The following SLC35F1 variants were observed in gnomAD, a reference collection of about 807,000 sequenced individuals.
The protein encoded by SLC35F1 is chromosome 6 open reading frame 169.
In SLC35F1, 14 loss-of-function variants were observed where a neutral mutation model predicts 48.7. The observed-to-expected ratio is 0.29, with a 90% CI of 0.19 to 0.45. The LOEUF is 0.45. SLC35F1 is among the 20% of genes least tolerant of loss of function. The probability of loss-of-function intolerance (pLI) is 1.00; values close to 1 mark genes in which losing one functional copy is unlikely to be tolerated. For synonymous variants in SLC35F1, 190 were observed against 202.2 expected (o/e 0.94, Z 0.51); for missense variants, 404 against 500.0 (o/e 0.81, Z 1.83).
intron 7 of SLC35F1, among the ~76,000 whole-genome samples, chr6:118,309,955 G>GT (rs1187371292): frequency 1.3e-5 from 2 of 152,208 alleles, no homozygotes; most frequent in African/African-American, 4.8e-5. Flanking sequence ...ATTATGTGCA[G>GT]TGAGTGCCTT....
intron 1 of SLC35F1, among the ~76,000 whole-genome samples, chr6:118,119,015 TAGAC>T (rs1203319658): frequency 6.6e-6 from 1 of 152,022 alleles, no homozygotes; most frequent in Non-Finnish European, 1.5e-5. Context: ...CCATTGTTTT[TAGAC>T]AGAAGTTCCT....
chr6:118,272,781 T>A (rs1459332431), intron 4 of SLC35F1, among the ~76,000 whole-genome samples: 3 of 140,288 alleles, frequency 2.1e-5, no homozygotes, highest in African/African-American at 8.6e-5. Context: ...ATATATACCA[T>A]TTTTTAGCAT....
At position 118,039,799 on chromosome 6, in the gene SLC35F1, G is replaced by GTTTTTTTTTTTTTT. The variant is rs149879230; in HGVS notation, c.174-114638_174-114637insTTTTTTTTTTTTTT. ...TTTAACATCTAAGCATCTCAGGATT[G>GTTTTTTTTTTTTTT]TTTTTTTTGTTTTTTTTTTTTGCTT... is the stretch of plus-strand genomic sequence containing the variant. On this transcript the variant is annotated intron_variant, in intron 1 of 7. Coordinates refer to ENST00000360388, the MANE Select transcript of SLC35F1 (RefSeq NM_001029858.4). Among the ~76,000 whole-genome samples, 73 of 106,836 alleles carry GTTTTTTTTTTTTTT rather than the reference G, an allele frequency of 6.8e-4. 9 individuals are homozygous for GTTTTTTTTTTTTTT. Among genetic ancestry groups the GTTTTTTTTTTTTTT allele is most frequent in the East Asian group, 1.1e-3 (4 of 3,494 alleles). The allele number at this position is 106,836 out of a possible 152,430, so 70.1% of individuals were successfully genotyped here. A position where few individuals can be genotyped will look rare whatever the true frequency, so the allele number is the denominator to read the frequency against.
At chr6:118,137,664 A>G (rs1045653368) in intron 1 of SLC35F1, among the ~76,000 whole-genome samples, 5 of 152,182 alleles carry the variant, frequency 3.3e-5, no homozygotes, top group African/African-American at 1.2e-4. Flanking sequence ...ATGCCAGCCA[A>G]CCTTGCACAC....
chr6:118,300,064 C>T (rs1474247967), intron 7 of SLC35F1, among the ~76,000 whole-genome samples: 1 of 152,168 alleles, frequency 6.6e-6, no homozygotes, highest in African/African-American at 2.4e-5. Context: ...TTAGTACAAT[C>T]AGCCCTCTGT....
intron 1 of SLC35F1, among the ~76,000 whole-genome samples, chr6:117,978,340 C>G (rs536523138): frequency 1.3e-5 from 2 of 151,550 alleles, no homozygotes; most frequent in African/African-American, 2.4e-5. Flanking sequence ...TACCAGATTA[C>G]CAGTTGTATG....
intron 2 of SLC35F1, among the ~76,000 whole-genome samples, chr6:118,234,341 C>T (rs745898092): frequency 1.3e-5 from 2 of 152,106 alleles, no homozygotes; most frequent in Admixed American, 6.5e-5. Flanking sequence ...TTATAAAAAC[C>T]TTATCTTCCA....
chr6:118,312,269 T>C (rs958337263), intron 7 of SLC35F1, among the ~76,000 whole-genome samples: 1 of 152,194 alleles, frequency 6.6e-6, no homozygotes, highest in African/African-American at 2.4e-5. Context: ...GAAATGATGG[T>C]AATGTTAGGA....
chr6:118,134,762 C>T (rs1470375788), intron 1 of SLC35F1, among the ~76,000 whole-genome samples: 1 of 152,260 alleles, frequency 6.6e-6, no homozygotes, highest in East Asian at 1.9e-4. Context: ...AAGACATGCA[C>T]ACCTGGCTAG....
intron 7 of SLC35F1, among the ~76,000 whole-genome samples, chr6:118,306,372 G>A (rs1273748672): frequency 6.6e-6 from 1 of 152,156 alleles, no homozygotes; most frequent in Non-Finnish European, 1.5e-5. Flanking sequence ...CCATTGTAAT[G>A]GGGCAGAAGT....
chr6:117,909,253 C>T (rs757327645), intron 1 of SLC35F1, among the ~76,000 whole-genome samples: 1 of 151,970 alleles, frequency 6.6e-6, no homozygotes, highest in African/African-American at 2.4e-5. Context: ...TGGCTCAGTA[C>T]ATATTATGTG....
At position 118,315,544 on chromosome 6, in the gene SLC35F1, A is replaced by G. The variant is rs939728475; in HGVS notation, c.*1292A>G. 5 of 141,834 alleles carry G rather than the reference A, an allele frequency of 3.5e-5. No individual in the cohort carries two copies. Among genetic ancestry groups the G allele is most frequent in the South Asian group, 2.2e-4 (1 of 4,610 alleles). 8.8% of individuals were successfully genotyped at this position (141,834 alleles called of 1,614,324 possible). On this transcript the variant is annotated 3_prime_UTR_variant, in exon 8 of 8. Coordinates refer to ENST00000360388, the MANE Select transcript of SLC35F1 (RefSeq NM_001029858.4). Reference sequence around the variant, plus strand: ...AACCTCCGCCTCCGGGATTCACACCATTCTCCTGCCTCAGCCTCCCGAGTA... The same window carrying G: ...AACCTCCGCCTCCGGGATTCACACCGTTCTCCTGCCTCAGCCTCCCGAGTA...
chr6:118,062,984 GTATGT>G (rs1015508534), intron 1 of SLC35F1, among the ~76,000 whole-genome samples: 4 of 152,004 alleles, frequency 2.6e-5, no homozygotes, highest in Non-Finnish European at 5.9e-5. Flanking sequence ...AATTTTGGGG[GTATGT>G]TATATCAGAT....
chr6:117,950,901 T>C (rs953518424), intron 1 of SLC35F1, among the ~76,000 whole-genome samples: 1 of 152,192 alleles, frequency 6.6e-6, no homozygotes, highest in Non-Finnish European at 1.5e-5. Context: ...ATAGTCTAAG[T>C]CATTTCTAAG....
At chr6:118,011,138 G>C (rs527830365) in intron 1 of SLC35F1, among the ~76,000 whole-genome samples, 1 of 152,252 alleles carries the variant, frequency 6.6e-6, no homozygotes, top group African/African-American at 2.4e-5. Context: ...TGGGGGAATG[G>C]TCTTGGGATG....
At chr6:118,071,163 CAT>C (rs1424885114) in intron 1 of SLC35F1, among the ~76,000 whole-genome samples, 1 of 140,334 alleles carries the variant, frequency 7.1e-6, no homozygotes, top group Non-Finnish European at 1.5e-5. Flanking sequence ...TATATACACA[CAT>C]AGAATATATA....
In SLC35F1 at chr6:118,105,412, C is replaced by A. The variant is rs113977103; in HGVS notation, c.174-49033C>A. 3.7e-3 allele frequency among the ~76,000 whole-genome samples: 565 copies of A among 152,260 alleles called. 4 individuals are homozygous for A. The highest frequency in any genetic ancestry group is 0.013 in the African/African-American group (544 of 41,550). Reference sequence around the variant, plus strand: ...TACCAGAGACCTACTCTATGTCTACCCGGTGGACCTTGTTACCACCATCTC... The same window carrying A: ...TACCAGAGACCTACTCTATGTCTACACGGTGGACCTTGTTACCACCATCTC... On this transcript the variant is annotated intron_variant, in intron 1 of 7. Coordinates refer to ENST00000360388, the MANE Select transcript of SLC35F1 (RefSeq NM_001029858.4).
At chr6:118,308,020 T>C (rs1248720487) in intron 7 of SLC35F1, among the ~76,000 whole-genome samples, 2 of 152,230 alleles carry the variant, frequency 1.3e-5, no homozygotes, top group Admixed American at 1.3e-4. Context: ...TCGAAGACAG[T>C]TGCCGAAAGG....
At chr6:118,035,024 T>C (rs1027843019) in intron 1 of SLC35F1, among the ~76,000 whole-genome samples, 10 of 152,184 alleles carry the variant, frequency 6.6e-5, no homozygotes, top group Non-Finnish European at 1.2e-4. Flanking sequence ...GAATTCCCTT[T>C]TGAGGACAAT....
Sources: gnomAD v4.1 joint callset for allele counts (sites outside exome capture counted in the v4.1 genomes callset) on GRCh38, gnomAD v4.1.1 for gene constraint, MANE v1.5 for transcripts, NCBI Gene and HGNC (gene_info 2026-07-23, HGNC 2026-07-21) for gene names.